Variants in SLC6A17 observed in about 807,000 individuals in gnomAD.
SLC6A17 encodes the protein sodium-dependent neutral amino acid transporter SLC6A17.
SLC6A17 carries 21 observed loss-of-function variants against 64.5 expected under a neutral mutation model. The observed-to-expected ratio is 0.33, with a 90% CI of 0.23 to 0.47. The LOEUF (loss-of-function observed/expected upper bound fraction) is 0.47. Ranked by LOEUF, SLC6A17 falls within the 20% of genes least tolerant of loss-of-function variation. The pLI is 1.00. For synonymous variants in SLC6A17, 372 were observed against 399.5 expected (o/e 0.93, Z 0.82); for missense variants, 682 against 963.2 (o/e 0.71, Z 3.86).
At position 110,176,632 on chromosome 1, in the gene SLC6A17, A is replaced by T; in HGVS notation, c.757A>T (p.Met253Leu). The change falls in exon 6 of 12, where the codon ATG becomes TTG. Residue 253 changes from methionine to leucine, a missense_variant. This residue lies in a region of SLC6A17 where 415 missense variants were observed against 603.8 expected (regional missense o/e 0.69). Transcript: ENST00000331565. ...VKGIQSSGKV[M>L]YFSSLFPYVV... ...GGGTTCCCTGTCCTCTCTGCAGGTG[A>T]TGTATTTCAGCTCCCTCTTCCCCTA... The T allele has an allele frequency of 6.2e-7, 1 of 1,613,880 alleles. No homozygotes were observed. The highest frequency in any genetic ancestry group is 1.1e-5 in the South Asian group (1 of 91,070).
intron 1 of SLC6A17, among the ~76,000 whole-genome samples, chr1:110,165,983 G>A (rs1656041333): frequency 6.6e-6 from 1 of 152,254 alleles, no homozygotes; most frequent in African/African-American, 2.4e-5. Flanking sequence ...TTAAGGGAAA[G>A]CATGAAAGAC....
At chr1:110,182,396 G>T (rs1656553145) in intron 6 of SLC6A17, among the ~76,000 whole-genome samples, 1 of 152,186 alleles carries the variant, frequency 6.6e-6, no homozygotes, top group South Asian at 2.1e-4. Flanking sequence ...TCCACATGGA[G>T]ATGCTGAGGA....
chr1:110,166,524 C>T (rs1040544542), intron 1 of SLC6A17, among the ~76,000 whole-genome samples: 2 of 152,234 alleles, frequency 1.3e-5, no homozygotes, highest in East Asian at 3.9e-4. Context: ...CTTGAGCACT[C>T]TAAGCTCTGC....
chr1:110,161,297 G>A (rs553303374), intron 1 of SLC6A17, among the ~76,000 whole-genome samples: 4 of 152,198 alleles, frequency 2.6e-5, no homozygotes, highest in Non-Finnish European at 5.9e-5. Flanking sequence ...AAATCAGGAA[G>A]CTGCCAAGCA....
chr1:110,171,010 A>G lies in SLC6A17; in HGVS notation c.287-1050A>G, dbSNP rs191155164. Among the ~76,000 whole-genome samples, 53 of 152,328 alleles carry G rather than the reference A, an allele frequency of 3.5e-4. 1 individual carries two copies. Among genetic ancestry groups the G allele is most frequent in the African/African-American group, 1.3e-3 (52 of 41,574 alleles). ...AAGGCTCAGAGTGGACCTGCAGTAA[A>G]TAGCTGATTGTTGCCAACTGCCAGA... On this transcript the variant is annotated intron_variant, in intron 2 of 11. Transcript: ENST00000331565.
chr1:110,189,906 C>T (rs138205959), intron 6 of SLC6A17, among the ~76,000 whole-genome samples: 1 of 152,352 alleles, frequency 6.6e-6, no homozygotes, highest in African/African-American at 2.4e-5. Flanking sequence ...TATGGGCTCT[C>T]CAAGCACTGG....
Position 110,167,026 on chromosome 1 carries a change from T to C in SLC6A17, c.97T>C (p.Tyr33His), listed in dbSNP as rs1428899059. The part of the protein sequence containing the change: ...DLLALEEPVD[Y>H]KQSVLNVAGE... ...GCTGGCCCTCGAGGAGCCTGTGGAC[T>C]ATAAGCAGAGTGTACTGAATGTGGC... The change falls in exon 2 of 12, where the codon TAT (tyrosine) becomes CAT (histidine). Residue 33 changes from tyrosine to histidine, a missense_variant. By Grantham distance (83) the Tyr-to-His change is moderately conservative. Around this residue, in one of 3 missense-constraint regions of SLC6A17, gnomAD observed 415 missense variants for 603.8 expected, o/e 0.69. Coordinates refer to ENST00000331565, the MANE Select transcript of SLC6A17 (RefSeq NM_001010898.4). The C allele has an allele frequency of 1.9e-6, 3 of 1,612,862 alleles. No individual in the cohort carries two copies. In the African/African-American group the frequency reaches 4.0e-5, roughly 22 times the overall value.
chr1:110,159,320 C>T (rs945902947), intron 1 of SLC6A17, among the ~76,000 whole-genome samples: 1 of 152,186 alleles, frequency 6.6e-6, no homozygotes, highest in Non-Finnish European at 1.5e-5. Context: ...ACAGAGCATG[C>T]GTTCTCCCAC....
At position 110,174,818 on chromosome 1, in the gene SLC6A17, A is replaced by ACT; in HGVS notation, c.612_613dup (p.Phe205SerfsTer24). On this transcript the variant is annotated frameshift_variant, in exon 5 of 12. Coordinates refer to ENST00000331565, the MANE Select transcript of SLC6A17 (RefSeq NM_001010898.4). LOFTEE classifies it high-confidence loss of function. ...TGTGAAAAGAGCTCAGCCACTACCT[A>ACT]CTTCTGGTACCGAGAGGCCTTGGAC... 1 of 1,614,054 alleles carries ACT rather than the reference A, an allele frequency of 6.2e-7. No homozygotes were observed. The highest frequency in any genetic ancestry group is 1.1e-5 in the South Asian group (1 of 91,066).
intron 1 of SLC6A17, among the ~76,000 whole-genome samples, chr1:110,155,857 C>T (rs1655744168): frequency 6.6e-6 from 1 of 152,168 alleles, no homozygotes; most frequent in South Asian, 2.1e-4. Context: ...TTATAAGACT[C>T]CTGGGTTCCT....
chr1:110,199,446 C>T lies in SLC6A17; in HGVS notation c.*1002C>T, dbSNP rs1196426339. 6.6e-6 allele frequency: 1 copy of T among 152,564 alleles called. No individual in the cohort carries two copies. The highest frequency in any genetic ancestry group is 6.5e-5 in the Admixed American group (1 of 15,294). The allele number at this position is 152,564 out of a possible 1,614,324, so 9.5% of individuals were successfully genotyped here. Reference sequence around the variant, plus strand: ...TGTTCTGTCTAGTGGCAGCTTTTCCCCTGGAACAGGGGTCCCTGGAGTTCA... The same window carrying T: ...TGTTCTGTCTAGTGGCAGCTTTTCCTCTGGAACAGGGGTCCCTGGAGTTCA... On this transcript the variant is annotated 3_prime_UTR_variant, in exon 12 of 12. Transcript: ENST00000331565.
intron 6 of SLC6A17, among the ~76,000 whole-genome samples, chr1:110,185,238 G>A (rs901821573): frequency 2.6e-5 from 4 of 152,238 alleles, no homozygotes; most frequent in African/African-American, 4.8e-5. Context: ...TGGGGTTGTC[G>A]GGAAAGTGCT....
At position 110,198,324 on chromosome 1, in the gene SLC6A17, G is replaced by T. The variant is rs750416156; in HGVS notation, c.2064G>T (p.Met688Ile). 1 of 1,614,130 alleles carries T rather than the reference G, an allele frequency of 6.2e-7. No homozygotes were observed. Among genetic ancestry groups the T allele is most frequent in the South Asian group, 1.1e-5 (1 of 91,082 alleles). Residue 688 changes from methionine (M) to isoleucine (I), a missense_variant, in exon 12 of 12, where the codon ATG becomes ATT. This residue lies in a region of SLC6A17 where 264 missense variants were observed against 339.5 expected (regional missense o/e 0.78). Coordinates refer to ENST00000331565, the MANE Select transcript of SLC6A17 (RefSeq NM_001010898.4). ...SKVPSEAPSP[M>I]PTHRSYLGPG... ...TGCCCAGTGAGGCACCTTCCCCCATGCCCACTCACCGTTCCTATCTGGGGC... is the reference window on the plus strand; with the variant it reads ...TGCCCAGTGAGGCACCTTCCCCCATTCCCACTCACCGTTCCTATCTGGGGC...
chr1:110,173,904 CGGGTGG>C, intron 3 of SLC6A17, 63 bp from the exon 4 acceptor site: 4 of 1,529,124 alleles, frequency 2.6e-6, no homozygotes, highest in South Asian at 1.3e-5. Flanking sequence ...TGCTGGGCCT[CGGGTGG>C]AGCGTGGGGG....
chr1:110,174,954 G>A lies in SLC6A17; in HGVS notation c.747G>A (p.Ser249=), dbSNP rs774425229. The change falls in exon 5 of 12, where the codon TCG becomes TCA. Residue 249 remains serine, a synonymous_variant. Transcript: ENST00000331565. ...GMAVVKGIQS[S]GKVMYFSSLF... Reference sequence around the variant, plus strand: ...CTGTCGTTAAGGGCATCCAGTCCTCGGGGAAGGTGAGTGCTGAGGGGGGCA... The same window carrying A: ...CTGTCGTTAAGGGCATCCAGTCCTCAGGGAAGGTGAGTGCTGAGGGGGGCA... 1.4e-5 allele frequency: 22 copies of A among 1,613,264 alleles called. No homozygotes were observed. The highest frequency in any genetic ancestry group is 1.8e-5 in the Non-Finnish European group (21 of 1,179,552).
At chr1:110,183,268 A>G (rs537845180) in intron 6 of SLC6A17, among the ~76,000 whole-genome samples, 9 of 152,262 alleles carry the variant, frequency 5.9e-5, no homozygotes, top group Non-Finnish European at 1.3e-4. Context: ...ATATGCATAC[A>G]GTGGGATATT....
chr1:110,155,910 A>G (rs1655745558), intron 1 of SLC6A17, among the ~76,000 whole-genome samples: 2 of 152,190 alleles, frequency 1.3e-5, no homozygotes, highest in South Asian at 4.1e-4. Context: ...AGCAGAAGCA[A>G]TGTTTGCTAA....
At chr1:110,195,137 C>T (rs1033122173) in intron 9 of SLC6A17, 13 of 422,584 alleles carry the variant, frequency 3.1e-5, no homozygotes, top group African/African-American at 2.6e-4. Flanking sequence ...CAGTCCCGGG[C>T]TGTGTCCACA....
chr1:110,188,362 C>G (rs1044783584), intron 6 of SLC6A17, among the ~76,000 whole-genome samples: 3 of 152,252 alleles, frequency 2.0e-5, no homozygotes, highest in African/African-American at 7.2e-5. Flanking sequence ...CAGTACAGGA[C>G]AGCCCTGCCC....
Sources: allele counts gnomAD v4.1 joint callset (sites outside exome capture counted in the v4.1 genomes callset), GRCh38; gene constraint gnomAD v4.1.1; regional missense constraint gnomAD v4.1.1; transcripts MANE v1.5; gene names NCBI Gene and HGNC (gene_info 2026-07-23, HGNC 2026-07-21).